The following PTPRD variants were observed in gnomAD, a reference collection of about 807,000 sequenced individuals.
The protein encoded by PTPRD is receptor-type tyrosine-protein phosphatase delta.
A neutral mutation model predicts 214.5 loss-of-function variants in PTPRD; 34 were observed. The observed-to-expected ratio is 0.16, with a 90% CI of 0.12 to 0.21. The LOEUF is 0.21. Among genes scored for constraint, PTPRD ranks in the 10% least tolerant of loss-of-function variants. The pLI, the probability that PTPRD is intolerant of heterozygous loss-of-function variation, is 1.00. For missense variants in PTPRD, 2,545 were observed against 2,398.7 expected (o/e 1.06, Z -1.27); for synonymous variants, 1,128 against 845.7 (o/e 1.33, Z -5.79).
intron 39 of PTPRD, among the ~76,000 whole-genome samples, chr9:8,367,223 T>G (rs901395258): frequency 6.6e-6 from 1 of 150,470 alleles, no homozygotes; most frequent in Non-Finnish European, 1.5e-5. Flanking sequence ...TGCATTCAAA[T>G]AAGCATTTTT....
At chr9:9,312,528 C>G (rs1043564236) in intron 9 of PTPRD, among the ~76,000 whole-genome samples, 5 of 152,112 alleles carry the variant, frequency 3.3e-5, no homozygotes, top group Non-Finnish European at 5.9e-5. Flanking sequence ...CGTGGGTTTT[C>G]TCTGGATACT....
intron 9 of PTPRD, among the ~76,000 whole-genome samples, chr9:9,333,305 G>T (rs1486416891): frequency 6.6e-6 from 1 of 151,398 alleles, no homozygotes; most frequent in Non-Finnish European, 1.5e-5. Context: ...GCACTTTAGG[G>T]GGCATATGTC....
chr9:10,506,199 T>G (rs1035142950), intron 2 of PTPRD, among the ~76,000 whole-genome samples: 2 of 142,976 alleles, frequency 1.4e-5, no homozygotes, highest in Admixed American at 1.4e-4. Flanking sequence ...GCTTCAAGAC[T>G]TTTTTTATCA....
chr9:9,158,196 A>G (rs568477719), intron 10 of PTPRD, among the ~76,000 whole-genome samples: 88 of 152,320 alleles, frequency 5.8e-4, no homozygotes, highest in African/African-American at 1.9e-3. Context: ...TCTTTATAAC[A>G]GAATTATTTA....
chr9:9,156,174 C>A (rs533616688), intron 10 of PTPRD, among the ~76,000 whole-genome samples: 126 of 152,248 alleles, frequency 8.3e-4, no homozygotes, highest in Middle Eastern at 3.4e-3. Context: ...GAAAAGCAAT[C>A]TTTGTGCCAG....
intron 15 of PTPRD, 107 bp from the exon 16 acceptor site, chr9:8,527,460 C>A: frequency 2.1e-6 from 2 of 943,212 alleles, no homozygotes; most frequent in Non-Finnish European, 3.3e-6. Flanking sequence ...ACTAAATCAT[C>A]TATGTTACAT....
intron 5 of PTPRD, among the ~76,000 whole-genome samples, chr9:9,862,265 A>C (rs974064535): frequency 2.0e-5 from 3 of 152,246 alleles, no homozygotes; most frequent in African/African-American, 7.2e-5. Context: ...TTTAGACAAA[A>C]CAAATTGCTA....
intron 2 of PTPRD, among the ~76,000 whole-genome samples, chr9:10,510,117 T>C (rs1044915296): frequency 2.0e-5 from 3 of 152,104 alleles, no homozygotes; most frequent in African/African-American, 7.2e-5. Flanking sequence ...TAGAGTACAG[T>C]GTTTGGGAAC....
chr9:9,964,681 T>C (rs1055270927), intron 4 of PTPRD, among the ~76,000 whole-genome samples: 1 of 152,194 alleles, frequency 6.6e-6, no homozygotes, highest in Non-Finnish European at 1.5e-5. Context: ...ATTCAAACTG[T>C]GGTTAGCAGG....
At chr9:10,263,071 T>C (rs1311581442) in intron 3 of PTPRD, among the ~76,000 whole-genome samples, 2 of 152,112 alleles carry the variant, frequency 1.3e-5, no homozygotes, top group Non-Finnish European at 2.9e-5. Flanking sequence ...CCTTCCACCA[T>C]TATTGTGAGG....
At chr9:10,481,620 A>G (rs541876576) in intron 2 of PTPRD, among the ~76,000 whole-genome samples, 3 of 152,314 alleles carry the variant, frequency 2.0e-5, no homozygotes, top group Admixed American at 6.5e-5. Flanking sequence ...TGAATGAATG[A>G]TTGAATGATT....
chr9:9,609,022 A>T (rs543706699), intron 7 of PTPRD, among the ~76,000 whole-genome samples: 60 of 152,256 alleles, frequency 3.9e-4, no homozygotes, highest in Admixed American at 7.8e-4. Context: ...TCAAATTCAA[A>T]ATGTATTATG....
chr9:9,583,938 T>C (rs1304904200), intron 7 of PTPRD, among the ~76,000 whole-genome samples: 1 of 152,042 alleles, frequency 6.6e-6, no homozygotes, highest in Admixed American at 6.6e-5. Flanking sequence ...TATCCTGTAT[T>C]CTCTTCTTCC....
rs142394690 is a variant in PTPRD at position 8,766,557 on chromosome 9, A to T, written c.-103-32611T>A. 3.8e-3 allele frequency among the ~76,000 whole-genome samples: 575 copies of T among 152,298 alleles called. 21 individuals are homozygous for T. In the East Asian group the frequency reaches 0.075, roughly 20 times the overall value. ...AATTTATCTATAATCATACAAATAC[A>T]CGACAATAAACACTGCAGCACAAAA... On this transcript the variant is annotated intron_variant, in intron 11 of 45. Transcript: ENST00000381196.
chr9:8,702,800 G>C (rs2098119474), intron 12 of PTPRD, among the ~76,000 whole-genome samples: 1 of 152,086 alleles, frequency 6.6e-6, no homozygotes, highest in Admixed American at 6.6e-5. Flanking sequence ...GTAAAGACGG[G>C]GTTTCACCAT....
intron 2 of PTPRD, among the ~76,000 whole-genome samples, chr9:10,428,049 C>G (rs1026988709): frequency 6.6e-6 from 1 of 152,012 alleles, no homozygotes; most frequent in Non-Finnish European, 1.5e-5. Flanking sequence ...GGCACGGTGG[C>G]TCACACCTGT....
At chr9:10,095,347 T>C (rs1465727994) in intron 3 of PTPRD, among the ~76,000 whole-genome samples, 1 of 151,522 alleles carries the variant, frequency 6.6e-6, no homozygotes, top group Non-Finnish European at 1.5e-5. Context: ...TGGAAATGCC[T>C]GTCAGGAATC....
At chr9:10,037,609 T>C (rs2097210206) in intron 3 of PTPRD, among the ~76,000 whole-genome samples, 1 of 151,140 alleles carries the variant, frequency 6.6e-6, no homozygotes, top group Non-Finnish European at 1.5e-5. Context: ...ACAAGCTAAT[T>C]CAGAAACTGA....
chr9:10,605,584 G>A (rs1176550998), intron 2 of PTPRD, among the ~76,000 whole-genome samples: 1 of 151,726 alleles, frequency 6.6e-6, no homozygotes, highest in Non-Finnish European at 1.5e-5. Flanking sequence ...TTCCACCTAG[G>A]TTCTAAAAGC....
Sources: gnomAD v4.1 joint callset for allele counts (sites outside exome capture counted in the v4.1 genomes callset) on GRCh38, gnomAD v4.1.1 for gene constraint, MANE v1.5 for transcripts, NCBI Gene and HGNC (gene_info 2026-07-23, HGNC 2026-07-21) for gene names.